The following SH3BP2 variants were observed in gnomAD, a reference collection of about 807,000 sequenced individuals.
SH3BP2 encodes the protein SH3 domain binding protein 2.
Under a neutral mutation model 56.2 loss-of-function variants are expected in SH3BP2, and 38 were observed. That is an observed-to-expected ratio of 0.68 (90% confidence interval 0.52 to 0.89). The LOEUF is 0.89. Among genes scored for constraint, SH3BP2 ranks in the 40% least tolerant of loss-of-function variants. SH3BP2 has a pLI of 0.00. For missense variants in SH3BP2, 748 were observed against 762.6 expected, an observed-to-expected ratio of 0.98 and a Z score of 0.23; for synonymous variants, 346 against 316.7, an observed-to-expected ratio of 1.09 and a Z score of -0.98.
At chr4:2,832,200 C>A in intron 10 of SH3BP2, 131 bp from the exon 11 acceptor site, 1 of 1,013,938 alleles carries the variant, frequency 9.9e-7, no homozygotes, top group South Asian at 1.3e-5. Flanking sequence ...CTCACGGCAG[C>A]CCGACGTGCT....
intron 5 of SH3BP2, among the ~76,000 whole-genome samples, chr4:2,825,422 CACAA>C (rs1411076567): frequency 8.4e-5 from 10 of 118,354 alleles, no homozygotes; most frequent in Admixed American, 1.7e-4. Flanking sequence ...GACACGCACA[CACAA>C]ACACAAGCAA....
intron 12 of SH3BP2, chr4:2,833,304 T>C: frequency 3.4e-6 from 2 of 591,062 alleles, no homozygotes; most frequent in Non-Finnish European, 6.0e-6. Context: ...TTGCTTGTCT[T>C]GTCTTTTTCT....
In SH3BP2 at chr4:2,836,746, C is replaced by T. The variant is rs10924; in HGVS notation, c.*2912C>T. On this transcript the variant is annotated 3_prime_UTR_variant, in exon 13 of 13. Coordinates refer to ENST00000503393, the MANE Select transcript of SH3BP2 (RefSeq NM_001122681.2). ...AGTGAAACTGCCCCGCCTCACCCTG[C>T]GTTGCCCTCTGGGTCTGTGAGGGTG... 0.15 allele frequency: 23,213 copies of T among 152,328 alleles called. 2,022 individuals are homozygous for T. The highest frequency in any genetic ancestry group is 0.27 in the Middle Eastern group (79 of 296). The allele number at this position is 152,328 out of a possible 1,614,324, so 9.4% of individuals were successfully genotyped here. A position where few individuals can be genotyped will look rare whatever the true frequency, so the allele number is the denominator to read the frequency against.
chr4:2,801,018 C>T (rs1458453107), intron 1 of SH3BP2, among the ~76,000 whole-genome samples: 3 of 123,754 alleles, frequency 2.4e-5, no homozygotes, highest in Non-Finnish European at 5.7e-5. Flanking sequence ...GGGCTGTGGG[C>T]GGCCTGGCCT....
chr4:2,822,981 C>T lies in SH3BP2; in HGVS notation c.183C>T (p.Phe61=), dbSNP rs771522331. 6 of 1,614,034 alleles carry T rather than the reference C, an allele frequency of 3.7e-6. No individual in the cohort carries two copies. The highest frequency in any genetic ancestry group is 1.3e-5 in the African/African-American group (1 of 74,932). The change falls in exon 3 of 13, where the codon TTC becomes TTT. Residue 61 remains phenylalanine (F), a synonymous_variant. Transcript: ENST00000503393. Reference sequence around the variant, plus strand: ...TCCACAAACGCTGCGTCTACTACTTCAAGAGTAGCACCTCTGCCTCCCCGC... The same window carrying T: ...TCCACAAACGCTGCGTCTACTACTTTAAGAGTAGCACCTCTGCCTCCCCGC... ...VIIHKRCVYY[F]KSSTSASPQG... is the part of the protein sequence containing the mutation.
chr4:2,824,661 C>T lies in SH3BP2; in HGVS notation c.288C>T (p.Phe96=). 1 of 1,614,072 alleles carries T rather than the reference C, an allele frequency of 6.2e-7. No homozygotes were observed. The highest frequency in any genetic ancestry group is 8.5e-7 in the Non-Finnish European group (1 of 1,179,998). Residue 96 remains phenylalanine (F), a synonymous_variant, in exon 4 of 13, where the codon TTC becomes TTT. Transcript: ENST00000503393. ...EETTSNNVFP[F]KIIHISKKHR... ...CCACGTCCAACAACGTTTTCCCCTT[C>T]AAGATCATCCATATCAGCAAGAAGC... is the stretch of plus-strand genomic sequence containing the variant.
intron 1 of SH3BP2, among the ~76,000 whole-genome samples, chr4:2,800,906 G>A (rs889206076): frequency 4.6e-5 from 7 of 152,206 alleles, no homozygotes; most frequent in Non-Finnish European, 7.4e-5. Flanking sequence ...GGCATGGGTG[G>A]CCTTGAGCCC....
At position 2,839,036 on chromosome 4, in the gene SH3BP2, C is replaced by T. The variant is rs1029386516; in HGVS notation, c.*5202C>T. 1.3e-5 allele frequency: 2 copies of T among 152,118 alleles called. No homozygotes were observed. The highest frequency in any genetic ancestry group is 2.9e-5 in the Non-Finnish European group (2 of 68,034). 9.4% of individuals were successfully genotyped at this position (152,118 alleles called of 1,614,324 possible). ...GTCTGGTGGGGTGTATAGTTATGGC[C>T]TTAATTTGCATTTAGCTAATTACCA... is the stretch of plus-strand genomic sequence containing the variant. On this transcript the variant is annotated 3_prime_UTR_variant, in exon 13 of 13. Coordinates refer to ENST00000503393, the MANE Select transcript of SH3BP2 (RefSeq NM_001122681.2).
rs544038233 is a variant in SH3BP2, at chr4:2,840,251, A to G, written c.*6417A>G. 33 of 151,774 alleles carry G rather than the reference A, an allele frequency of 2.2e-4. No homozygotes were observed. The highest frequency in any genetic ancestry group is 7.2e-4 in the African/African-American group (30 of 41,412). The allele number at this position is 151,774 out of a possible 1,614,324, so 9.4% of individuals were successfully genotyped here. A position where few individuals can be genotyped will look rare whatever the true frequency, so the allele number is the denominator to read the frequency against. On this transcript the variant is annotated 3_prime_UTR_variant, in exon 13 of 13. Coordinates refer to ENST00000503393, the MANE Select transcript of SH3BP2 (RefSeq NM_001122681.2). Reference sequence around the variant, plus strand: ...AAAAAAACCAAAAAAAAAAAAAAAAAAAAGAAAACCACTGAAATTATTTCC... The same window carrying G: ...AAAAAAACCAAAAAAAAAAAAAAAAGAAAGAAAACCACTGAAATTATTTCC...
chr4:2,833,982 G>C lies in SH3BP2; in HGVS notation c.*148G>C, dbSNP rs1052407376. 1.0e-6 allele frequency: 1 copy of C among 965,480 alleles called. No homozygotes were observed. Among genetic ancestry groups the C allele is most frequent in the Non-Finnish European group, 1.5e-6 (1 of 667,044 alleles). The allele number at this position is 965,480 out of a possible 1,614,324, so 59.8% of individuals were successfully genotyped here. ...TGTGATGGACATCTCGTAGGACCCA[G>C]CCAGTCTCATCCAGCAGGTTGGGTT... On this transcript the variant is annotated 3_prime_UTR_variant, in exon 13 of 13. Coordinates refer to ENST00000503393, the MANE Select transcript of SH3BP2 (RefSeq NM_001122681.2).
At position 2,796,343 on chromosome 4, in the gene SH3BP2, G is replaced by A; in HGVS notation, c.-5+3205G>A. On this transcript the variant is annotated intron_variant, in intron 1 of 12. Transcript: ENST00000503393. ...CAGGCTCCCAGGAGGGGAGAAAGGTGCCCTCCCCCAACCTTCTCTCTTCTC... is the reference window on the plus strand; with the variant it reads ...CAGGCTCCCAGGAGGGGAGAAAGGTACCCTCCCCCAACCTTCTCTCTTCTC... 4.5e-6 allele frequency: 4 copies of A among 898,280 alleles called. No individual in the cohort carries two copies. The South Asian group carries it at 1.5e-4, about 34-fold the overall frequency. 55.6% of individuals were successfully genotyped at this position (898,280 alleles called of 1,614,324 possible). A position where few individuals can be genotyped will look rare whatever the true frequency, so the allele number is the denominator to read the frequency against.
intron 3 of SH3BP2, chr4:2,823,578 G>T (rs1013566151): frequency 2.2e-6 from 1 of 455,000 alleles, no homozygotes; most frequent in Non-Finnish European, 4.4e-6. Context: ...AGGCAGGTGG[G>T]CGGTGGCCAG....
At chr4:2,824,972 G>A in intron 4 of SH3BP2, 154 bp from the exon 5 acceptor site, 3 of 757,604 alleles carry the variant, frequency 4.0e-6, no homozygotes, top group South Asian at 3.1e-5. Context: ...GCCCCTGTGG[G>A]CTGAGGGGAG....
At chr4:2,809,764 C>T (rs906380789) in intron 1 of SH3BP2, 128 of 985,366 alleles carry the variant, frequency 1.3e-4, no homozygotes, top group Admixed American at 1.2e-4. Flanking sequence ...AAGCTCCCTC[C>T]CTCTTCTTTT....
At chr4:2,825,508 A>G (rs1038661373) in intron 5 of SH3BP2, among the ~76,000 whole-genome samples, 2 of 151,498 alleles carry the variant, frequency 1.3e-5, no homozygotes, top group Non-Finnish European at 2.9e-5. Context: ...GTGGACATGC[A>G]CACACACACA....
chr4:2,830,508 C>T (rs1724927178), intron 8 of SH3BP2, among the ~76,000 whole-genome samples: 1 of 152,190 alleles, frequency 6.6e-6, no homozygotes, highest in Non-Finnish European at 1.5e-5. Context: ...ACTACAGGCA[C>T]CTGCCAACAC....
intron 8 of SH3BP2, 80 bp downstream of exon 8, chr4:2,830,227 C>A: frequency 7.3e-7 from 1 of 1,360,770 alleles, no homozygotes; most frequent in Non-Finnish European, 9.9e-7. Context: ...CTCTGCCCAC[C>A]TCGCTCCCCT....
chr4:2,793,226 C>G (rs1158363359), intron 1 of SH3BP2, 88 bp downstream of exon 1: 1 of 130,286 alleles, frequency 7.7e-6, no homozygotes, highest in Admixed American at 7.4e-5. Context: ...CGGGCCTTGG[C>G]GGTCTGGGGG....
Position 2,831,851 on chromosome 4 carries a change from G to A in SH3BP2, c.1351-72G>A. 6.5e-7 allele frequency: 1 copy of A among 1,533,416 alleles called. No homozygotes were observed. Among genetic ancestry groups the A allele is most frequent in the Middle Eastern group, 1.7e-4 (1 of 5,876 alleles). 95.0% of individuals were successfully genotyped at this position (1,533,416 alleles called of 1,614,324 possible). A position where few individuals can be genotyped will look rare whatever the true frequency, so the allele number is the denominator to read the frequency against. The stretch of plus-strand genomic sequence containing the variant: ...AAGCCCCGGATCCCGGCACCGGGTG[G>A]CCACCGTCCGGGGAGTGGTGGTGCG... On this transcript the variant is annotated intron_variant, in intron 9 of 12. Coordinates refer to ENST00000503393, the MANE Select transcript of SH3BP2 (RefSeq NM_001122681.2). This position sits in a 1 kb window ranked among gnomAD's most constrained non-coding sequence, Gnocchi z 4.1.
Sources: allele counts gnomAD v4.1 joint callset (sites outside exome capture counted in the v4.1 genomes callset), GRCh38; gene constraint gnomAD v4.1.1; non-coding constraint Gnocchi (gnomAD v3.1); transcripts MANE v1.5; gene names NCBI Gene and HGNC (gene_info 2026-07-23, HGNC 2026-07-21).